The following ERI3 variants were observed in gnomAD, a reference collection of about 807,000 sequenced individuals.
ERI3 encodes ERI1 exoribonuclease family member 3.
ERI3 carries 18 observed loss-of-function variants against 44.4 expected under a neutral mutation model. The ratio of observed to expected loss-of-function variants is 0.41; its 90% CI spans 0.28 to 0.60. The LOEUF (loss-of-function observed/expected upper bound fraction) is 0.60. ERI3 is among the 20% of genes least tolerant of loss of function. ERI3 has a pLI of 0.36. For synonymous variants in ERI3, 183 were observed against 164.8 expected (o/e 1.11, Z -0.84); for missense variants, 294 against 435.5 (o/e 0.68, Z 2.89).
At chr1:44,341,315 G>A (rs1446934447) in intron 2 of ERI3, among the ~76,000 whole-genome samples, 1 of 152,170 alleles carries the variant, frequency 6.6e-6, no homozygotes, top group Non-Finnish European at 1.5e-5. Context: ...AAAGCACTAA[G>A]ACCAGTGCCT....
intron 4 of ERI3, among the ~76,000 whole-genome samples, chr1:44,314,378 A>G (rs1342891187): frequency 6.6e-6 from 1 of 152,184 alleles, no homozygotes; most frequent in African/African-American, 2.4e-5. Flanking sequence ...GTGGTATTTT[A>G]AGGAAGTGTA....
chr1:44,306,653 C>A (rs1383883746), intron 6 of ERI3, among the ~76,000 whole-genome samples: 1 of 152,234 alleles, frequency 6.6e-6, no homozygotes, highest in Non-Finnish European at 1.5e-5. Flanking sequence ...TAGTCTCCAA[C>A]CTCATGCACG....
intron 6 of ERI3, among the ~76,000 whole-genome samples, chr1:44,285,445 G>C (rs1645374525): frequency 6.6e-6 from 1 of 152,244 alleles, no homozygotes; most frequent in African/African-American, 2.4e-5. Context: ...ATATGACTTA[G>C]AGATAGATGA....
chr1:44,284,416 T>C (rs1020071151), intron 7 of ERI3, among the ~76,000 whole-genome samples: 2 of 152,134 alleles, frequency 1.3e-5, no homozygotes, highest in African/African-American at 4.8e-5. Context: ...CAGAGTGATA[T>C]ATCAGGGCCA....
chr1:44,267,114 G>A (rs537530053), intron 7 of ERI3, among the ~76,000 whole-genome samples: 1 of 152,354 alleles, frequency 6.6e-6, no homozygotes, highest in East Asian at 1.9e-4. Context: ...AGCTGGTAAA[G>A]AACTGGGTGG....
chr1:44,348,048 A>G (rs564105203), intron 2 of ERI3, among the ~76,000 whole-genome samples: 27 of 152,298 alleles, frequency 1.8e-4, no homozygotes, highest in Non-Finnish European at 2.5e-4. Flanking sequence ...GCAAGAGTAA[A>G]TGTTTGCTAA....
chr1:44,276,889 G>A (rs200449673), intron 7 of ERI3, among the ~76,000 whole-genome samples: 1 of 148,544 alleles, frequency 6.7e-6, no homozygotes, highest in Non-Finnish European at 1.5e-5. Context: ...CCCACAACCA[G>A]GCAGCTGAGG....
At chr1:44,288,594 A>T (rs984263209) in intron 6 of ERI3, among the ~76,000 whole-genome samples, 1 of 152,184 alleles carries the variant, frequency 6.6e-6, no homozygotes, top group African/African-American at 2.4e-5. Flanking sequence ...AGACTCAGAG[A>T]AGAAAAGGAT....
chr1:44,249,577 C>T (rs1644632013), intron 7 of ERI3, among the ~76,000 whole-genome samples: 1 of 152,200 alleles, frequency 6.6e-6, no homozygotes, highest in South Asian at 2.1e-4. Context: ...TCTCCTTGAC[C>T]GCAGAGGTAC....
At position 44,342,633 on chromosome 1, in the gene ERI3, T is replaced by C. The variant is rs767435285; in HGVS notation, c.212-3311A>G. ...CAGTAACAATGGCAATGAGCACACC[T>C]AGCACTCCATTGCCTTCTTGTTTTT... On this transcript the variant is annotated intron_variant, in intron 2 of 8. Transcript: ENST00000372257. Among the ~76,000 whole-genome samples the C allele has an allele frequency of 7.2e-4, 107 of 149,300 alleles. 1 individual carries two copies. The highest frequency in any genetic ancestry group is 1.2e-3 in the Admixed American group (18 of 14,960).
intron 3 of ERI3, among the ~76,000 whole-genome samples, chr1:44,337,707 G>A (rs1454384541): frequency 6.6e-6 from 1 of 152,206 alleles, no homozygotes; most frequent in Non-Finnish European, 1.5e-5. Context: ...GAACACTAGA[G>A]GTTGTCATAC....
intron 6 of ERI3, among the ~76,000 whole-genome samples, chr1:44,288,455 T>C (rs1645438336): frequency 6.6e-6 from 1 of 152,134 alleles, no homozygotes; most frequent in Admixed American, 6.5e-5. Flanking sequence ...AGCTTGCAAG[T>C]GCCTCATGGG....
chr1:44,282,684 C>A (rs955275907), intron 7 of ERI3, among the ~76,000 whole-genome samples: 2 of 152,122 alleles, frequency 1.3e-5, no homozygotes, highest in African/African-American at 4.8e-5. Flanking sequence ...TCCTGTTGGG[C>A]CTTTAAGCAC....
At chr1:44,249,641 G>A (rs1367983201) in intron 7 of ERI3, among the ~76,000 whole-genome samples, 1 of 152,170 alleles carries the variant, frequency 6.6e-6, no homozygotes, top group Non-Finnish European at 1.5e-5. Context: ...CCAGGCCACA[G>A]CTGAACCCAC....
intron 2 of ERI3, among the ~76,000 whole-genome samples, chr1:44,348,245 G>A (rs138899983): frequency 1.6e-3 from 246 of 152,300 alleles, no homozygotes; most frequent in Middle Eastern, 3.4e-3. Flanking sequence ...AAGAGTGAGA[G>A]ACACAGAGAG....
intron 2 of ERI3, among the ~76,000 whole-genome samples, chr1:44,350,232 T>C (rs1212125716): frequency 6.6e-6 from 1 of 152,122 alleles, no homozygotes; most frequent in Non-Finnish European, 1.5e-5. Flanking sequence ...TATTCCATAC[T>C]TCATTAAAAT....
intron 7 of ERI3, among the ~76,000 whole-genome samples, chr1:44,274,537 G>C (rs1159606749): frequency 6.6e-6 from 1 of 152,188 alleles, no homozygotes; most frequent in African/African-American, 2.4e-5. Context: ...TGGGGGCAGG[G>C]AGATGGGAAG....
At chr1:44,243,997 T>C (rs1644499188) in intron 8 of ERI3, 2 of 152,134 alleles carry the variant, frequency 1.3e-5, no homozygotes, top group East Asian at 3.9e-4. Flanking sequence ...AGTTTCTTCA[T>C]CTATAAAATG....
chr1:44,281,601 AATATAT>A (rs1553189558), intron 7 of ERI3, among the ~76,000 whole-genome samples: 2 of 128,028 alleles, frequency 1.6e-5, no homozygotes, highest in East Asian at 2.1e-4. Flanking sequence ...AAAAAAAAAA[AATATAT>A]ATATATATAT....
Sources: gnomAD v4.1 joint callset for allele counts (sites outside exome capture counted in the v4.1 genomes callset) on GRCh38, gnomAD v4.1.1 for gene constraint, MANE v1.5 for transcripts, NCBI Gene and HGNC (gene_info 2026-07-23, HGNC 2026-07-21) for gene names.